The following SNTG1 variants were observed in gnomAD, a reference collection of about 807,000 sequenced individuals.
SNTG1 encodes the protein syntrophin gamma 1.
Under a neutral mutation model 74.7 loss-of-function variants are expected in SNTG1, and 39 were observed. The observed-to-expected ratio is 0.52, with a 90% confidence interval of 0.40 to 0.68. The LOEUF is 0.68. SNTG1 is among the 30% of genes least tolerant of loss of function. The pLI is 0.00. For synonymous variants in SNTG1, 254 were observed against 217.1 expected (o/e 1.17, Z -1.49); for missense variants, 685 against 609.5 (o/e 1.12, Z -1.30).
chr8:49,912,972 C>T (rs1805710188), intron 1 of SNTG1, among the ~76,000 whole-genome samples: 1 of 152,152 alleles, frequency 6.6e-6, no homozygotes, highest in Admixed American at 6.5e-5. Flanking sequence ...CAGTAGGTTC[C>T]CGAAAAACCA....
intron 12 of SNTG1, among the ~76,000 whole-genome samples, chr8:50,587,477 C>A: frequency 6.6e-6 from 1 of 151,972 alleles, no homozygotes; most frequent in East Asian, 1.9e-4. Context: ...TGTGATTTTT[C>A]CACTTACTTT....
chr8:50,778,511 G>A (rs71513507), intron 18 of SNTG1, among the ~76,000 whole-genome samples: 1 of 151,698 alleles, frequency 6.6e-6, no homozygotes, highest in Non-Finnish European at 1.5e-5. Flanking sequence ...CTTTTGAGAA[G>A]TGTCTGTTCA....
At chr8:50,512,118 C>T (rs1744118730) in intron 9 of SNTG1, among the ~76,000 whole-genome samples, 1 of 151,992 alleles carries the variant, frequency 6.6e-6, no homozygotes, top group Admixed American at 6.6e-5. Flanking sequence ...CTGGTGGTGA[C>T]AAAATCTCTC....
At chr8:50,512,681 G>A (rs1462278554) in intron 9 of SNTG1, among the ~76,000 whole-genome samples, 1 of 151,948 alleles carries the variant, frequency 6.6e-6, no homozygotes, top group Non-Finnish European at 1.5e-5. Flanking sequence ...TTCCATCCTT[G>A]ATACCCTTTC....
At chr8:50,096,994 G>T (rs2079952662) in intron 1 of SNTG1, among the ~76,000 whole-genome samples, 1 of 151,914 alleles carries the variant, frequency 6.6e-6, no homozygotes, top group Admixed American at 6.6e-5. Flanking sequence ...TTTTGAGATG[G>T]AGTCTAAATC....
intron 8 of SNTG1, among the ~76,000 whole-genome samples, chr8:50,462,352 T>C (rs1267451449): frequency 2.0e-5 from 3 of 150,238 alleles, no homozygotes; most frequent in Admixed American, 6.7e-5. Context: ...CACTAACAAT[T>C]ATCTTAGCTC....
chr8:49,971,569 C>T (rs1326137386), intron 1 of SNTG1, among the ~76,000 whole-genome samples: 1 of 152,158 alleles, frequency 6.6e-6, no homozygotes, highest in Non-Finnish European at 1.5e-5. Context: ...AAGAGGAAGT[C>T]AAATTGTCCC....
At position 50,290,820 on chromosome 8, in the gene SNTG1, G is replaced by A. The variant is rs887552698; in HGVS notation, c.-27-103392G>A. Among the ~76,000 whole-genome samples, 7 of 151,840 alleles carry A rather than the reference G, an allele frequency of 4.6e-5. No individual in the cohort carries two copies. The South Asian group carries it at 8.3e-4, about 18-fold the overall frequency. On this transcript the variant is annotated intron_variant, in intron 2 of 18. Coordinates refer to ENST00000642720, the MANE Select transcript of SNTG1 (RefSeq NM_018967.5). ...GTCCCCCAGGCTGGAGTGCAATGGC[G>A]TGATCTCAGGGCTCACTGCAGCCTT...
At chr8:50,470,387 G>A (rs977810099) in intron 8 of SNTG1, among the ~76,000 whole-genome samples, 4 of 152,202 alleles carry the variant, frequency 2.6e-5, no homozygotes, top group Admixed American at 2.6e-4. Flanking sequence ...CCCTCACGGT[G>A]AGTGTTACAG....
chr8:50,219,632 G>C (rs2084960878), intron 2 of SNTG1, among the ~76,000 whole-genome samples: 1 of 152,078 alleles, frequency 6.6e-6, no homozygotes, highest in African/African-American at 2.4e-5. Flanking sequence ...AGAGAAACGG[G>C]ATGTGCTACA....
intron 1 of SNTG1, among the ~76,000 whole-genome samples, chr8:50,106,870 T>C (rs1278244100): frequency 2.6e-5 from 4 of 152,160 alleles, no homozygotes; most frequent in Non-Finnish European, 5.9e-5. Flanking sequence ...TTCAATAATA[T>C]GTATATCTGA....
intron 10 of SNTG1, among the ~76,000 whole-genome samples, chr8:50,536,227 T>A (rs2094306136): frequency 6.6e-6 from 1 of 152,192 alleles, no homozygotes; most frequent in Admixed American, 6.5e-5. Context: ...TCAAAAATAT[T>A]TGCAAAAATC....
At chr8:50,704,006 T>A (rs2095435081) in intron 15 of SNTG1, among the ~76,000 whole-genome samples, 3 of 152,224 alleles carry the variant, frequency 2.0e-5, no homozygotes, top group Admixed American at 2.0e-4. Flanking sequence ...TATGTAAATT[T>A]GTGAACACTT....
intron 1 of SNTG1, among the ~76,000 whole-genome samples, chr8:50,128,039 G>A (rs2081202059): frequency 6.6e-6 from 1 of 152,076 alleles, no homozygotes; most frequent in African/African-American, 2.4e-5. Context: ...AAACAAATGG[G>A]AAGAATCAAA....
intron 1 of SNTG1, among the ~76,000 whole-genome samples, chr8:50,127,713 A>G (rs901990643): frequency 1.3e-5 from 2 of 152,186 alleles, no homozygotes; most frequent in Admixed American, 1.3e-4. Flanking sequence ...GAATTTCCAA[A>G]CAGGATATAT....
intron 1 of SNTG1, among the ~76,000 whole-genome samples, chr8:50,044,296 C>T (rs1449207110): frequency 3.3e-5 from 5 of 152,258 alleles, no homozygotes; most frequent in African/African-American, 9.6e-5. Context: ...AGTAAGGGGA[C>T]GACCAACCTT....
rs76011232 is a variant in SNTG1 at position 50,200,480 on chromosome 8, G to T, written c.-28+27845G>T. ...CCCCAGACTTGGGCTAAAATGAAAA[G>T]TGTAGCAAGCAGAAATCTTCTCTGT... is the stretch of plus-strand genomic sequence containing the variant. On this transcript the variant is annotated intron_variant, in intron 2 of 18. Coordinates refer to ENST00000642720, the MANE Select transcript of SNTG1 (RefSeq NM_018967.5). Among the ~76,000 whole-genome samples the T allele has an allele frequency of 4.9e-3, 739 of 152,242 alleles. 2 individuals are homozygous for T. Among genetic ancestry groups the T allele is most frequent in the Non-Finnish European group, 8.5e-3 (579 of 68,008 alleles).
At chr8:50,567,543 C>T (rs1318846755) in intron 12 of SNTG1, among the ~76,000 whole-genome samples, 1 of 151,854 alleles carries the variant, frequency 6.6e-6, no homozygotes, top group African/African-American at 2.4e-5. Context: ...AGATATTATT[C>T]TAGCCTTAAA....
rs565561398 is a variant in SNTG1 at position 49,980,521 on chromosome 8, C to CAAAAAAAAAAAAAA, written c.-103+68307_-103+68320dup. On this transcript the variant is annotated intron_variant, in intron 1 of 18. Transcript: ENST00000642720. ...ACATCCCTTCCTGTAGACTCCTTCG[C>CAAAAAAAAAAAAAA]AAAAAAAAAAAAAAAAAAAAAAAAA... Among the ~76,000 whole-genome samples the CAAAAAAAAAAAAAA allele has an allele frequency of 3.5e-4, 19 of 53,830 alleles. 3 individuals are homozygous for CAAAAAAAAAAAAAA. Among genetic ancestry groups the CAAAAAAAAAAAAAA allele is most frequent in the African/African-American group, 1.0e-3 (14 of 13,596 alleles). 35.3% of individuals were successfully genotyped at this position (53,830 alleles called of 152,430 possible).
Sources: allele counts gnomAD v4.1 joint callset (sites outside exome capture counted in the v4.1 genomes callset), GRCh38; gene constraint gnomAD v4.1.1; transcripts MANE v1.5; gene names NCBI Gene and HGNC (gene_info 2026-07-23, HGNC 2026-07-21).